CD36: variants seen among roughly 807,000 people sequenced by gnomAD.
CD36 encodes platelet glycoprotein 4.
In CD36, 119 loss-of-function variants were observed where a neutral mutation model predicts 55.2. The observed-to-expected ratio is 2.15, with a 90% confidence interval of 1.86 to 2.51. The LOEUF is 2.51. CD36 is among the 30% of genes most tolerant of loss of function. The pLI, the probability that CD36 is intolerant of heterozygous loss-of-function variation, is 0.00. For synonymous variants in CD36, 186 were observed against 193.6 expected (o/e 0.96, Z 0.33); for missense variants, 819 against 555.5 (o/e 1.47, Z -4.77).
At chr7:80,623,262 A>G (rs537012250) in intron 1 of CD36, among the ~76,000 whole-genome samples, 1 of 152,274 alleles carries the variant, frequency 6.6e-6, no homozygotes, top group East Asian at 1.9e-4. Context: ...TAAAAATACC[A>G]AACTCTCATA....
At chr7:80,638,298 A>C (rs183831996), upstream of CD36, among the ~76,000 whole-genome samples, 56 of 151,834 alleles carry the variant, frequency 3.7e-4, no homozygotes, top group African/African-American at 1.3e-3. Flanking sequence ...TACTATTTCC[A>C]CCAGCGGTCT....
intron 1 of CD36, among the ~76,000 whole-genome samples, chr7:80,621,994 C>T (rs1045644802): frequency 3.9e-5 from 6 of 152,184 alleles, no homozygotes; most frequent in Non-Finnish European, 1.5e-5. Flanking sequence ...CTTCCCTTTC[C>T]AAATTGGTTT....
At chr7:80,612,669 C>T (rs1231426149) in intron 1 of CD36, among the ~76,000 whole-genome samples, 2 of 152,118 alleles carry the variant, frequency 1.3e-5, no homozygotes, top group Non-Finnish European at 2.9e-5. Context: ...AAGAGATAAT[C>T]TGACTTTTTC....
intron 5 of CD36, 71 bp from the exon 6 acceptor site, chr7:80,662,919 G>T (rs3212168): frequency 8.1e-7 from 1 of 1,232,838 alleles, no homozygotes; most frequent in Non-Finnish European, 1.2e-6. Flanking sequence ...CTCAATATTA[G>T]CATTTAATCC....
intron 1 of CD36, among the ~76,000 whole-genome samples, chr7:80,628,759 T>C (rs926275851): frequency 2.6e-5 from 4 of 152,166 alleles, no homozygotes; most frequent in Non-Finnish European, 5.9e-5. Flanking sequence ...TTTGGTTTTA[T>C]GCATTTTAGG....
intron 8 of CD36, among the ~76,000 whole-genome samples, chr7:80,666,818 T>G (rs897099243): frequency 2.6e-5 from 4 of 152,132 alleles, no homozygotes; most frequent in African/African-American, 9.7e-5. Flanking sequence ...TTTCAAATAT[T>G]TTATAAATAG....
chr7:80,661,040 T>G lies in CD36; in HGVS notation c.282-23T>G, dbSNP rs757362414. Reference sequence around the variant, plus strand: ...TTCACATATGACAAATGTTTTGAATTTTGTTTACTGCTATTTCTTTAGAGT... The same window carrying G: ...TTCACATATGACAAATGTTTTGAATGTTGTTTACTGCTATTTCTTTAGAGT... On this transcript the variant is annotated intron_variant, in intron 4 of 14. Coordinates refer to ENST00000447544, the MANE Select transcript of CD36 (RefSeq NM_001001548.3). 2.5e-6 allele frequency: 4 copies of G among 1,580,220 alleles called. No homozygotes were observed. In the East Asian group the frequency reaches 9.0e-5, roughly 35 times the overall value.
At position 80,664,435 on chromosome 7, in the gene CD36, A is replaced by T. The variant is rs1796835546; in HGVS notation, c.639A>T (p.Lys213Asn). 6.3e-7 allele frequency: 1 copy of T among 1,577,134 alleles called. No individual in the cohort carries two copies. Among genetic ancestry groups the T allele is most frequent in the Non-Finnish European group, 8.7e-7 (1 of 1,146,674 alleles). The change falls in exon 7 of 15, where the codon AAA becomes AAT. Residue 213 changes from lysine to asparagine, a missense_variant. By Grantham distance (94) the Lys-to-Asn change is moderately conservative. Coordinates refer to ENST00000447544, the MANE Select transcript of CD36 (RefSeq NM_001001548.3). The stretch of plus-strand genomic sequence containing the variant: ...ACAATACTGCAGATGGAGTTTATAA[A>T]GTTTTCAATGGAAAAGATAACATAA... Reference protein sequence around the residue: ...PYNNTADGVYKVFNGKDNISK... With the variant: ...PYNNTADGVYNVFNGKDNISK...
At chr7:80,659,049 A>G (rs935088938) in intron 4 of CD36, among the ~76,000 whole-genome samples, 7 of 152,168 alleles carry the variant, frequency 4.6e-5, no homozygotes, top group Admixed American at 1.3e-4. Context: ...TAACAATTTT[A>G]AAGGGATTCC....
At chr7:80,666,326 C>G (rs1797087561) in intron 7 of CD36, 117 bp from the exon 8 acceptor site, 3 of 737,118 alleles carry the variant, frequency 4.1e-6, no homozygotes. Flanking sequence ...AAACTTAGTA[C>G]TTGTCACATT....
At position 80,671,934 on chromosome 7, in the gene CD36, A is replaced by G. The variant is rs764076950; in HGVS notation, c.1019A>G (p.Tyr340Cys). The stretch of plus-strand genomic sequence containing the variant: ...AACTTGTCTTCAGGGAGACCTGTGT[A>G]CATTTCACTTCCTCATTTTCTGTAT... ...ISKCKEGRPVYISLPHFLYAS... is the reference protein window; with the variant it reads ...ISKCKEGRPVCISLPHFLYAS... Residue 340 changes from tyrosine (Y) to cysteine (C), a missense_variant, in exon 11 of 15, where the codon TAC becomes TGC. Coordinates refer to ENST00000447544, the MANE Select transcript of CD36 (RefSeq NM_001001548.3). The G allele has an allele frequency of 2.4e-5, 38 of 1,611,456 alleles. No individual in the cohort carries two copies. The highest frequency in any genetic ancestry group is 2.3e-4 in the Admixed American group (14 of 59,920).
rs548970807 is a variant in CD36 at position 80,677,177 on chromosome 7, T to C, written c.*794T>C. On this transcript the variant is annotated 3_prime_UTR_variant, in exon 15 of 15. Transcript: ENST00000447544. Reference sequence around the variant, plus strand: ...GTTCTAGGCTAATTTTTTAAGCTAATTGGATGAAGAACAAAAAGACATTTG... The same window carrying C: ...GTTCTAGGCTAATTTTTTAAGCTAACTGGATGAAGAACAAAAAGACATTTG... 1.3e-5 allele frequency: 2 copies of C among 152,222 alleles called. No homozygotes were observed. Among genetic ancestry groups the C allele is most frequent in the African/African-American group, 4.8e-5 (2 of 41,476 alleles). 9.4% of individuals were successfully genotyped at this position (152,222 alleles called of 1,614,324 possible). A position where few individuals can be genotyped will look rare whatever the true frequency, so the allele number is the denominator to read the frequency against.
chr7:80,649,034 A>G (rs1247567569), intron 3 of CD36, among the ~76,000 whole-genome samples: 3 of 152,128 alleles, frequency 2.0e-5, no homozygotes, highest in African/African-American at 7.2e-5. Context: ...GATACAATAC[A>G]CAATAGTCGT....
intron 5 of CD36, 50 bp from the exon 6 acceptor site, chr7:80,662,940 T>TA (rs757614191): frequency 4.2e-6 from 6 of 1,422,684 alleles, no homozygotes; most frequent in African/African-American, 2.8e-5. Context: ...ATTTATTTGT[T>TA]AAAATCTAAT....
intron 8 of CD36, among the ~76,000 whole-genome samples, chr7:80,666,929 G>A (rs1461648389): frequency 2.6e-5 from 4 of 152,140 alleles, no homozygotes; most frequent in African/African-American, 7.2e-5. Flanking sequence ...AAAGTTGCAA[G>A]ACAGAACCAT....
chr7:80,623,518 G>A (rs954727952), intron 1 of CD36, among the ~76,000 whole-genome samples: 1 of 152,098 alleles, frequency 6.6e-6, no homozygotes, highest in Non-Finnish European at 1.5e-5. Flanking sequence ...TTTTTAGGGT[G>A]TATTTATTTT....
At chr7:80,603,143 T>C (rs993621410) in intron 1 of CD36, among the ~76,000 whole-genome samples, 2 of 152,018 alleles carry the variant, frequency 1.3e-5, no homozygotes, top group African/African-American at 4.8e-5. Context: ...CTACATAAGA[T>C]CAGACAACAC....
chr7:80,622,341 AG>A (rs1341201973), intron 1 of CD36, among the ~76,000 whole-genome samples: 2 of 152,340 alleles, frequency 1.3e-5, no homozygotes, highest in Admixed American at 1.3e-4. Context: ...TGGCTTGCCG[AG>A]GGTCCCCGGC....
chr7:80,662,708 G>GC (rs1796646130), intron 5 of CD36: 1 of 406,630 alleles, frequency 2.5e-6, no homozygotes, highest in Non-Finnish European at 4.6e-6. Context: ...AGCCCCGTAT[G>GC]CCTTAATGCA....
Sources: allele counts gnomAD v4.1 joint callset (sites outside exome capture counted in the v4.1 genomes callset), GRCh38; gene constraint gnomAD v4.1.1; transcripts MANE v1.5; gene names NCBI Gene and HGNC (gene_info 2026-07-23, HGNC 2026-07-21).